The following MFSD12 variants were observed in gnomAD, a reference collection of about 807,000 sequenced individuals.
MFSD12 encodes major facilitator superfamily domain containing 12.
A neutral mutation model predicts 51.2 loss-of-function variants in MFSD12; 67 were observed. That is an observed-to-expected ratio of 1.31 (90% CI 1.08 to 1.60). The LOEUF (loss-of-function observed/expected upper bound fraction) is 1.60, where lower values mean the gene tolerates loss of function less well. MFSD12 is among the 40% of genes most tolerant of loss of function. MFSD12 has a pLI of 0.00. For synonymous variants in MFSD12, 441 were observed against 316.7 expected, an observed-to-expected ratio of 1.39 and a Z score of -4.17; for missense variants, 921 against 673.0, an observed-to-expected ratio of 1.37 and a Z score of -4.08.
rs1412249926 is a variant in MFSD12 at position 3,547,327 on chromosome 19, C to G, written c.968G>C (p.Ser323Thr). 6.2e-7 allele frequency: 1 copy of G among 1,613,308 alleles called. No homozygotes were observed. ...CATGAGGAAGGAGGACAAGAAGCCG[C>G]TGAGGTACATCACCAGGGGAATGGT... ...IATIPLVMYLSGFLSSFLMKP... is the reference protein window; with the variant it reads ...IATIPLVMYLTGFLSSFLMKP... The change falls in exon 6 of 10, where the codon AGC (serine) becomes ACC (threonine). Residue 323 changes from serine to threonine, a missense_variant. Physicochemically the swap from Ser to Thr is moderately conservative, Grantham distance 58 (BLOSUM62 1). Transcript: ENST00000355415.
At chr19:3,557,071 G>A (rs931806583) in intron 1 of MFSD12, 35 bp downstream of exon 1, 17 of 1,410,282 alleles carry the variant, frequency 1.2e-5, no homozygotes, top group African/African-American at 3.0e-5. Context: ...GTCTCGGAGG[G>A]GCTGCCCGAC....
intron 4 of MFSD12, chr19:3,539,167 T>C: frequency 3.9e-6 from 6 of 1,546,058 alleles, no homozygotes; most frequent in Non-Finnish European, 5.2e-6. Flanking sequence ...GCCCGGGGGA[T>C]CCAGGCAGAC....
downstream of MFSD12, chr19:3,543,692 T>C (rs1182892437): frequency 4.6e-6 from 7 of 1,524,172 alleles, no homozygotes; most frequent in Admixed American, 1.4e-4. Context: ...TGAGGCTAGG[T>C]GCAGGGTGGG....
At chr19:3,541,917 C>T, downstream of MFSD12, 5 of 583,494 alleles carry the variant, frequency 8.6e-6, no homozygotes, top group Non-Finnish European at 1.1e-5. Flanking sequence ...CAAGCTAATT[C>T]TCCTGCCTCA....
At chr19:3,539,232 G>A (rs1182294777), downstream of MFSD12, 16 of 1,550,538 alleles carry the variant, frequency 1.0e-5, no homozygotes, top group East Asian at 2.4e-5. Context: ...GGGGACCCTC[G>A]AGGCCAGCTT....
Position 3,544,700 on chromosome 19 carries a change from C to T in MFSD12, c.*10G>A, listed in dbSNP as rs1008849333. ...AGTTCCCTTGCACAGGTGCAGGAGG[C>T]TGTCAGGAGTCAGGGCCGGGCATCA... On this transcript the variant is annotated 3_prime_UTR_variant, in exon 10 of 10. Coordinates refer to ENST00000355415, the MANE Select transcript of MFSD12 (RefSeq NM_174983.5). 9 of 1,594,788 alleles carry T rather than the reference C, an allele frequency of 5.6e-6. No individual in the cohort carries two copies. The highest frequency in any genetic ancestry group is 3.4e-5 in the Admixed American group (2 of 59,136).
In MFSD12 at chr19:3,547,871, G is replaced by A. The variant is rs775896767; in HGVS notation, c.814C>T (p.Leu272Phe). The A allele has an allele frequency of 1.3e-6, 2 of 1,529,780 alleles. No individual in the cohort carries two copies. Among genetic ancestry groups the A allele is most frequent in the Non-Finnish European group, 1.7e-6 (2 of 1,145,114 alleles). The allele number at this position is 1,529,780 out of a possible 1,614,324, so 94.8% of individuals were successfully genotyped here. The part of the protein sequence containing the change: ...AQPLLLWKHW[L>F]REPAFYQVGI... The stretch of plus-strand genomic sequence containing the variant: ...ACCTGGTAGAAAGCCGGCTCCCGGA[G>A]CCAGTGCTTCCAGAGCAGCAGGGGC... The change falls in exon 4 of 10, where the codon CTC becomes TTC. Residue 272 changes from leucine to phenylalanine, a missense_variant. Physicochemically the swap from Leu to Phe is conservative, Grantham distance 22. Transcript: ENST00000355415.
intron 8 of MFSD12, 146 bp downstream of exon 8, chr19:3,545,928 G>A (rs773522102): frequency 1.4e-5 from 11 of 771,406 alleles, no homozygotes; most frequent in Admixed American, 2.3e-5. Flanking sequence ...AGAAAGGAAA[G>A]GTCTCCCCTG....
At chr19:3,545,983 T>A in intron 8 of MFSD12, 91 bp downstream of exon 8, 1 of 1,372,216 alleles carries the variant, frequency 7.3e-7, no homozygotes, top group South Asian at 1.2e-5. Flanking sequence ...CACAGCTGGA[T>A]GCCCAGACCC....
downstream of MFSD12, among the ~76,000 whole-genome samples, chr19:3,540,871 C>CAA (rs1161701645): frequency 6.2e-4 from 38 of 61,070 alleles, no homozygotes; most frequent in African/African-American, 2.2e-3. Context: ...AACTCCATCT[C>CAA]AAAAAAAAAA....
intron 1 of MFSD12, among the ~76,000 whole-genome samples, chr19:3,553,178 C>G (rs1274400621): frequency 1.3e-5 from 2 of 152,156 alleles, no homozygotes; most frequent in African/African-American, 4.8e-5. Context: ...ACTGTGGACT[C>G]CAGTGAGAAG....
At position 3,544,562 on chromosome 19, in the gene MFSD12, C is replaced by A. The variant is rs1276415349; in HGVS notation, c.*148G>T. The A allele has an allele frequency of 6.9e-7, 1 of 1,443,720 alleles. No individual in the cohort carries two copies. 89.4% of individuals were successfully genotyped at this position (1,443,720 alleles called of 1,614,324 possible). The stretch of plus-strand genomic sequence containing the variant: ...TGGCGGGCATCCCTGCTGCCCTCAC[C>A]CGACCCCACCCCCGGGAGCTGGGTG... On this transcript the variant is annotated 3_prime_UTR_variant, in exon 10 of 10. Transcript: ENST00000355415.
intron 2 of MFSD12, 64 bp downstream of exon 2, chr19:3,550,920 C>T (rs898334272): frequency 1.4e-6 from 2 of 1,401,766 alleles, no homozygotes; most frequent in East Asian, 2.4e-5. Flanking sequence ...TTATGCAGTG[C>T]CACTGACTGA....
At chr19:3,556,401 G>A (rs1304226474) in intron 1 of MFSD12, among the ~76,000 whole-genome samples, 1 of 152,244 alleles carries the variant, frequency 6.6e-6, no homozygotes, top group Admixed American at 6.5e-5. Flanking sequence ...TGAGGGCCCC[G>A]CAGGTCAGAC....
At chr19:3,543,542 C>G (rs550665308), downstream of MFSD12, 3 of 1,520,352 alleles carry the variant, frequency 2.0e-6, no homozygotes, top group Admixed American at 2.0e-5. Flanking sequence ...CGCCAGCCCC[C>G]GCCCCACCGC....
chr19:3,548,215 G>A lies in MFSD12; in HGVS notation c.562C>T (p.Leu188=), dbSNP rs557618782. The A allele has an allele frequency of 1.3e-6, 2 of 1,558,770 alleles. No individual in the cohort carries two copies. Among genetic ancestry groups the A allele is most frequent in the South Asian group, 1.2e-5 (1 of 85,278 alleles). The change falls in exon 3 of 10, where the codon CTG becomes TTG. Residue 188 remains leucine (L), a synonymous_variant. Transcript: ENST00000355415. ...CGCGACGAGCCCTGCAGGTGCAGCA[G>A]GAGCCAGGCGGCGCCGTAGACGGTG... The part of the protein sequence containing the change: ...NITVYGAAWL[L]LHLQGSSRVE...
chr19:3,544,035 C>G (rs1356858775), downstream of MFSD12: 5 of 1,514,542 alleles, frequency 3.3e-6, no homozygotes, highest in African/African-American at 2.8e-5. Context: ...GATGCACCCA[C>G]TGTCTCTGCA....
rs201748260 is a variant in MFSD12, at chr19:3,548,124, C to G, written c.653G>C (p.Arg218Pro). ...CGACCCACCCGGACTCCAGCTCACC[C>G]GGAACACGGGCACGTCCTGGCCCCC... is the stretch of plus-strand genomic sequence containing the variant. ...QLGGQDVPVFRNLSLLVVGVG... is the reference protein window; with the variant it reads ...QLGGQDVPVFPNLSLLVVGVG... The change falls in exon 3 of 10, where the codon CGG becomes CCG. Residue 218 changes from arginine (R) to proline (P), a missense_variant and splice_region_variant. Transcript: ENST00000355415. 1.2e-6 allele frequency: 2 copies of G among 1,606,504 alleles called. No individual in the cohort carries two copies. The highest frequency in any genetic ancestry group is 1.7e-6 in the Non-Finnish European group (2 of 1,178,882).
chr19:3,548,281 G>C lies in MFSD12; in HGVS notation c.510-14C>G, dbSNP rs376061301. The C allele has an allele frequency of 6.5e-7, 1 of 1,546,012 alleles. No individual in the cohort carries two copies. The highest frequency in any genetic ancestry group is 8.7e-7 in the Non-Finnish European group (1 of 1,146,892). ...GTGAACGCATACCTGGCGGGCAGGCGGGCAGGGACTCAACAAGACGCCAGG... is the reference window on the plus strand; with the variant it reads ...GTGAACGCATACCTGGCGGGCAGGCCGGCAGGGACTCAACAAGACGCCAGG... On this transcript the variant is annotated splice_polypyrimidine_tract_variant and intron_variant, in intron 2 of 9. Coordinates refer to ENST00000355415, the MANE Select transcript of MFSD12 (RefSeq NM_174983.5).
Sources: allele counts gnomAD v4.1 joint callset (sites outside exome capture counted in the v4.1 genomes callset), GRCh38; gene constraint gnomAD v4.1.1; transcripts MANE v1.5; gene names NCBI Gene and HGNC (gene_info 2026-07-23, HGNC 2026-07-21).